MGST1: variants seen among roughly 807,000 people sequenced by gnomAD.
The protein encoded by MGST1 is glutathione S-transferase 12.
Under a neutral mutation model 8.9 loss-of-function variants are expected in MGST1, and 5 were observed. The ratio of observed to expected loss-of-function variants is 0.56; its 90% CI spans 0.29 to 1.19. The LOEUF is 1.19. Ranked by LOEUF, MGST1 falls within the 50% of genes most tolerant of loss-of-function variation. The pLI, the probability that MGST1 is intolerant of heterozygous loss-of-function variation, is 0.08. For missense variants in MGST1, 182 were observed against 187.4 expected, an observed-to-expected ratio of 0.97 and a Z score of 0.17; for synonymous variants, 54 against 67.8, an observed-to-expected ratio of 0.80 and a Z score of 1.00.
intron 4 of MGST1, among the ~76,000 whole-genome samples, chr12:16,572,983 G>T (rs1231553522): frequency 6.6e-6 from 1 of 151,710 alleles, no homozygotes; most frequent in Non-Finnish European, 1.5e-5. Context: ...ATGCTTGAAA[G>T]TAGAGATTTT....
downstream of MGST1, among the ~76,000 whole-genome samples, chr12:16,592,531 A>G (rs1225565292): frequency 6.6e-6 from 1 of 151,950 alleles, no homozygotes; most frequent in African/African-American, 2.4e-5. Flanking sequence ...CATGGAAACT[A>G]ATACTTGCAT....
chr12:16,578,995 T>G (rs912574190), intron 4 of MGST1, among the ~76,000 whole-genome samples: 23 of 152,208 alleles, frequency 1.5e-4, no homozygotes, highest in Non-Finnish European at 2.9e-4. Context: ...TAAGGTCTAG[T>G]ATATTACATT....
intron 4 of MGST1, among the ~76,000 whole-genome samples, chr12:16,483,558 A>G (rs190989763): frequency 6.6e-6 from 1 of 152,274 alleles, no homozygotes; most frequent in Admixed American, 6.5e-5. Context: ...TATTAATATC[A>G]GACAAAATAG....
At chr12:16,349,979 C>T (rs563770611) in intron 1 of MGST1, among the ~76,000 whole-genome samples, 7 of 152,220 alleles carry the variant, frequency 4.6e-5, no homozygotes, top group African/African-American at 9.6e-5. Context: ...CTCCTGACCT[C>T]GTGATCTGCC....
intron 1 of MGST1, among the ~76,000 whole-genome samples, chr12:16,416,746 T>C (rs768288392): frequency 2.0e-5 from 3 of 152,128 alleles, no homozygotes; most frequent in Non-Finnish European, 4.4e-5. Flanking sequence ...GCAAAATGGC[T>C]GAGGGTGTAT....
intron 1 of MGST1, among the ~76,000 whole-genome samples, chr12:16,391,139 CT>C (rs71054812): frequency 0.61 from 84,397 of 138,926 alleles, 25,682 homozygotes; most frequent in East Asian, 0.91. Flanking sequence ...TTGCCCACTT[CT>C]TTTTTTTTTT....
Position 16,500,047 on chromosome 12 carries a change from C to T in MGST1, n.483-89481C>T, listed in dbSNP as rs958858576. 6.6e-6 allele frequency among the ~76,000 whole-genome samples: 1 copy of T among 152,080 alleles called. No homozygotes were observed. Among genetic ancestry groups the T allele is most frequent in the South Asian group, 2.1e-4 (1 of 4,818 alleles). ...TTAGAATTTCAAGGAAGCTAGAATT[C>T]CAGGGGATAGTTTCATAAGTATGTT... On this transcript the variant is annotated intron_variant and non_coding_transcript_variant, in intron 4 of 4. Transcript: ENST00000538857. The surrounding 1 kb of genome is among the most constrained non-coding windows in gnomAD (Gnocchi z 4.3).
chr12:16,571,667 A>G (rs941586107), intron 4 of MGST1, among the ~76,000 whole-genome samples: 8 of 152,106 alleles, frequency 5.3e-5, no homozygotes, highest in African/African-American at 1.9e-4. Flanking sequence ...AAGGTTTCAC[A>G]ATTTCTGTTC....
chr12:16,418,189 G>A (rs1241745292), intron 1 of MGST1, among the ~76,000 whole-genome samples: 1 of 152,128 alleles, frequency 6.6e-6, no homozygotes, highest in Non-Finnish European at 1.5e-5. Context: ...CAACCTTATA[G>A]AGTGGCGATT....
chr12:16,358,404 G>A (rs184939684), intron 3 of MGST1, among the ~76,000 whole-genome samples: 2 of 151,724 alleles, frequency 1.3e-5, no homozygotes, highest in Admixed American at 1.3e-4. Context: ...TTCTTTTCCT[G>A]TGTTAATTCA....
intron 4 of MGST1, among the ~76,000 whole-genome samples, chr12:16,511,394 C>G (rs987397821): frequency 2.4e-4 from 37 of 152,208 alleles, no homozygotes; most frequent in Non-Finnish European, 4.7e-4. Flanking sequence ...AGAGCTTTCT[C>G]CATCTAGCCT....
At chr12:16,580,576 T>C (rs1943128917) in intron 4 of MGST1, among the ~76,000 whole-genome samples, 1 of 152,162 alleles carries the variant, frequency 6.6e-6, no homozygotes, top group Admixed American at 6.6e-5. Context: ...GATCAGGTAG[T>C]AGATTATATA....
intron 4 of MGST1, among the ~76,000 whole-genome samples, chr12:16,538,462 A>G (rs1941770755): frequency 6.6e-6 from 1 of 151,950 alleles, no homozygotes; most frequent in East Asian, 1.9e-4. Flanking sequence ...GCCCCACTCT[A>G]CTGGTACCAA....
chr12:16,390,175 A>T (rs1284875747), intron 1 of MGST1, among the ~76,000 whole-genome samples: 1 of 152,052 alleles, frequency 6.6e-6, no homozygotes. Context: ...CCTAAACCTT[A>T]TGTAATTTGA....
chr12:16,477,086 T>C (rs904870852), intron 4 of MGST1, among the ~76,000 whole-genome samples: 1 of 152,248 alleles, frequency 6.6e-6, no homozygotes, highest in African/African-American at 2.4e-5. Flanking sequence ...GCAAATTGCT[T>C]TGAGCTGTTG....
At chr12:16,388,471 A>T (rs1409932998) in intron 1 of MGST1, among the ~76,000 whole-genome samples, 1 of 152,118 alleles carries the variant, frequency 6.6e-6, no homozygotes, top group South Asian at 2.1e-4. Context: ...GGTGGCTCAC[A>T]CTAGCTGGCA....
intron 4 of MGST1, among the ~76,000 whole-genome samples, chr12:16,446,396 G>A (rs553071455): frequency 3.9e-5 from 6 of 151,924 alleles, no homozygotes; most frequent in Non-Finnish European, 8.8e-5. Context: ...AGGAAATGGA[G>A]AAATGACCAT....
chr12:16,402,066 T>G lies in MGST1; in HGVS notation n.778+18462T>G, dbSNP rs1407613837. 100 of 1,568,356 alleles carry G rather than the reference T, an allele frequency of 6.4e-5. No homozygotes were observed. The South Asian group carries it at 8.3e-4, about 13-fold the overall frequency. ...TTCTTTAATGGCTTCAATCATTTTG[T>G]CAAAGCTATTCTTACTACTTTCATT... On this transcript the variant is annotated intron_variant and non_coding_transcript_variant, in intron 1 of 1. Transcript: ENST00000359720.
chr12:16,502,464 T>A (rs558865260), intron 4 of MGST1, among the ~76,000 whole-genome samples: 1 of 152,300 alleles, frequency 6.6e-6, no homozygotes, highest in African/African-American at 2.4e-5. Flanking sequence ...TACCATTTAT[T>A]GAGGCAGTAT....
Sources: gnomAD v4.1 joint callset for allele counts (sites outside exome capture counted in the v4.1 genomes callset) on GRCh38, gnomAD v4.1.1 for gene constraint, Gnocchi (gnomAD v3.1) non-coding constraint, MANE v1.5 for transcripts, NCBI Gene and HGNC (gene_info 2026-07-23, HGNC 2026-07-21) for gene names.